COL1A2: variants seen among roughly 807,000 people sequenced by gnomAD.
COL1A2 encodes collagen type I alpha 2 chain.
COL1A2 carries 49 observed loss-of-function variants against 174.3 expected under a neutral mutation model. That is an observed-to-expected ratio of 0.28 (90% CI 0.22 to 0.36). COL1A2 has a LOEUF of 0.36. Among genes scored for constraint, COL1A2 ranks in the 10% least tolerant of loss-of-function variants. The pLI is 1.00. For missense variants in COL1A2, 1,438 were observed against 1,822.7 expected, an observed-to-expected ratio of 0.79 and a Z score of 3.84; for synonymous variants, 655 against 606.6, an observed-to-expected ratio of 1.08 and a Z score of -1.17.
Position 94,394,957 on chromosome 7 carries a change from G to C in COL1A2, c.-75G>C. The C allele has an allele frequency of 7.5e-7, 1 of 1,327,882 alleles. No homozygotes were observed. Among genetic ancestry groups the C allele is most frequent in the Admixed American group, 1.7e-5 (1 of 59,580 alleles). The allele number at this position is 1,327,882 out of a possible 1,614,324, so 82.3% of individuals were successfully genotyped here. A position where few individuals can be genotyped will look rare whatever the true frequency, so the allele number is the denominator to read the frequency against. On this transcript the variant is annotated 5_prime_UTR_variant, in exon 1 of 52. Transcript: ENST00000297268. ...GTACTGGCCACGACTGCATGCCCGCGCCCGCCAGGTGATACCTCCGCCGGT... is the reference window on the plus strand; with the variant it reads ...GTACTGGCCACGACTGCATGCCCGCCCCCGCCAGGTGATACCTCCGCCGGT...
At chr7:94,403,410 T>G (rs1246131325) in intron 6 of COL1A2, among the ~76,000 whole-genome samples, 2 of 152,184 alleles carry the variant, frequency 1.3e-5, no homozygotes, top group Admixed American at 1.3e-4. Flanking sequence ...CTTCTCTGAA[T>G]TAATGAGTAA....
At position 94,405,385 on chromosome 7, in the gene COL1A2, G is replaced by T. The variant is rs377260846; in HGVS notation, c.486+133G>T. The T allele has an allele frequency of 8.0e-4, 713 of 885,888 alleles. 8 individuals carry two copies. The South Asian group carries it at 0.011, about 14-fold the overall frequency. 54.9% of individuals were successfully genotyped at this position (885,888 alleles called of 1,614,324 possible). On this transcript the variant is annotated intron_variant, in intron 10 of 51. Coordinates refer to ENST00000297268, the MANE Select transcript of COL1A2 (RefSeq NM_000089.4). ...ACATGAATCGAAGGCATCTAATAAA[G>T]AAAAAAGCCTAGTTAAAAAAAAATG...
intron 29 of COL1A2, 144 bp downstream of exon 29, chr7:94,414,419 G>C: frequency 1.3e-6 from 1 of 790,882 alleles, no homozygotes; most frequent in South Asian, 1.6e-5. Flanking sequence ...ATACTTTGGT[G>C]CTGATGGAGA....
intron 32 of COL1A2, 54 bp from the exon 33 acceptor site, chr7:94,418,445 C>T (rs866159804): frequency 4.1e-5 from 61 of 1,486,024 alleles, no homozygotes; most frequent in African/African-American, 2.1e-4. Flanking sequence ...ATATTAATTT[C>T]GATTCAAAAT....
At position 94,422,043 on chromosome 7, in the gene COL1A2, C is replaced by A; in HGVS notation, c.2403+91C>A. ...ACTGGTAAGAAACTCTTCATGAAAA[C>A]ACATCACTAATATTCGCTATTACTC... On this transcript the variant is annotated intron_variant, in intron 39 of 51. Transcript: ENST00000297268. 2.8e-6 allele frequency: 3 copies of A among 1,079,320 alleles called. No individual in the cohort carries two copies. The East Asian group carries it at 7.3e-5, about 26-fold the overall frequency. The allele number at this position is 1,079,320 out of a possible 1,614,324, so 66.9% of individuals were successfully genotyped here. A position where few individuals can be genotyped will look rare whatever the true frequency, so the allele number is the denominator to read the frequency against.
At position 94,420,598 on chromosome 7, in the gene COL1A2, G is replaced by C; in HGVS notation, c.2245G>C (p.Glu749Gln). 6 of 1,612,684 alleles carry C rather than the reference G, an allele frequency of 3.7e-6. No individual in the cohort carries two copies. Among genetic ancestry groups the C allele is most frequent in the Non-Finnish European group, 5.1e-6 (6 of 1,179,352 alleles). ...GERGAKGPKG[E>Q]NGVVGPTGPV... ...AAGAGGAGCCAAAGGGCCTAAGGGT[G>C]AAAACGGTGTTGTTGGTCCCACAGG... is the stretch of plus-strand genomic sequence containing the variant. Residue 749 changes from glutamate (E) to glutamine (Q), a missense_variant, in exon 37 of 52, where the codon GAA becomes CAA. Physicochemically the swap from Glu to Gln is conservative, Grantham distance 29. This residue lies in a region of COL1A2 where 867 missense variants were observed against 1,213.7 expected (regional missense o/e 0.71). Coordinates refer to ENST00000297268, the MANE Select transcript of COL1A2 (RefSeq NM_000089.4).
At chr7:94,424,747 C>G (rs989015247) in intron 41 of COL1A2, 1 of 467,358 alleles carries the variant, frequency 2.1e-6, no homozygotes, top group Non-Finnish European at 3.9e-6. Context: ...ATCATTTATC[C>G]TGTAGGAAGA....
At chr7:94,429,097 T>TA in intron 50 of COL1A2, 91 bp from the exon 51 acceptor site, 1 of 883,198 alleles carries the variant, frequency 1.1e-6, no homozygotes, top group Non-Finnish European at 1.7e-6. Context: ...CTTCCTGAGA[T>TA]CTTTTTTTTT....
intron 30 of COL1A2, among the ~76,000 whole-genome samples, chr7:94,415,754 CAT>C (rs1271556137): frequency 6.6e-6 from 1 of 152,088 alleles, no homozygotes; most frequent in Non-Finnish European, 1.5e-5. Context: ...CTAGTTAACA[CAT>C]ATGTAGGAAG....
chr7:94,418,430 A>AT (rs1309024545), intron 32 of COL1A2, 69 bp from the exon 33 acceptor site: 2 of 1,367,546 alleles, frequency 1.5e-6, no homozygotes, highest in Non-Finnish European at 2.1e-6. Context: ...AAAGAAAAAA[A>AT]CTTCATATTA....
rs745988180 is a variant in COL1A2, at chr7:94,426,438, C to T, written c.3013C>T (p.Arg1005Cys). The T allele has an allele frequency of 1.0e-5, 16 of 1,599,814 alleles. No individual in the cohort carries two copies. The highest frequency in any genetic ancestry group is 1.4e-5 in the Non-Finnish European group (16 of 1,173,424). Residue 1005 changes from arginine (R) to cysteine (C), a missense_variant, in exon 46 of 52, where the codon CGT (arginine) becomes TGT (cysteine). Arg to Cys is a radical substitution (Grantham distance 180). Transcript: ENST00000297268. ...PRGPSGPQGIRGDKGEPGEKG... is the reference protein window; with the variant it reads ...PRGPSGPQGICGDKGEPGEKG... Reference sequence around the variant, plus strand: ...TTCTTTATAGGGCCCACAAGGCATTCGTGGCGATAAGGGAGAGCCCGGTGA... The same window carrying T: ...TTCTTTATAGGGCCCACAAGGCATTTGTGGCGATAAGGGAGAGCCCGGTGA...
Position 94,428,210 on chromosome 7 carries a change from T to A in COL1A2, c.3527-83T>A, listed in dbSNP as rs562750174. ...CAATCAAAAATGTTACTTATGAGAGTCAGTATCTTTCATTAGTTATTATTA... is the reference window on the plus strand; with the variant it reads ...CAATCAAAAATGTTACTTATGAGAGACAGTATCTTTCATTAGTTATTATTA... On this transcript the variant is annotated intron_variant, in intron 49 of 51. Transcript: ENST00000297268. The A allele has an allele frequency of 7.8e-6, 9 of 1,157,938 alleles. No individual in the cohort carries two copies. The East Asian group carries it at 9.4e-5, about 12-fold the overall frequency. 71.7% of individuals were successfully genotyped at this position (1,157,938 alleles called of 1,614,324 possible).
chr7:94,395,599 A>G (rs1168789079), intron 1 of COL1A2: 1 of 258,778 alleles, frequency 3.9e-6, no homozygotes, highest in Non-Finnish European at 7.5e-6. Context: ...GAGGATGACG[A>G]TGCTGATATG....
chr7:94,424,598 G>A, intron 41 of COL1A2, 155 bp downstream of exon 41: 1 of 659,800 alleles, frequency 1.5e-6, no homozygotes, highest in Non-Finnish European at 2.7e-6. Flanking sequence ...TATCTAAGAA[G>A]CTTTAATACC....
rs1477014676 is a variant in COL1A2 at position 94,396,461 on chromosome 7, T to G, written c.71-1287T>G. On this transcript the variant is annotated intron_variant, in intron 1 of 51. Transcript: ENST00000297268. ...CCGAGTTCATATTTTTAATGAGATCTTGAGAGTGGGAGGAAAGAGTCGGCT... is the reference window on the plus strand; with the variant it reads ...CCGAGTTCATATTTTTAATGAGATCGTGAGAGTGGGAGGAAAGAGTCGGCT... 3.3e-5 allele frequency among the ~76,000 whole-genome samples: 5 copies of G among 151,962 alleles called. No homozygotes were observed. In the East Asian group the frequency reaches 9.6e-4, roughly 29 times the overall value.
At chr7:94,429,108 C>CTTTTTTTT in intron 50 of COL1A2, 80 bp from the exon 51 acceptor site, 2 of 815,864 alleles carry the variant, frequency 2.5e-6, no homozygotes, top group Admixed American at 2.9e-5. Context: ...CTTTTTTTTT[C>CTTTTTTTT]TTTTTTTTTT....
Position 94,397,498 on chromosome 7 carries a change from T to C in COL1A2, c.71-250T>C, listed in dbSNP as rs144840749. On this transcript the variant is annotated intron_variant, in intron 1 of 51. Coordinates refer to ENST00000297268, the MANE Select transcript of COL1A2 (RefSeq NM_000089.4). ...ATATTTCACAACAGTTATAAAATAG[T>C]AAATAATTAATAATTTAATTCAAAA... Among the ~76,000 whole-genome samples, 492 of 152,208 alleles carry C rather than the reference T, an allele frequency of 3.2e-3. 2 individuals carry two copies. The highest frequency in any genetic ancestry group is 0.011 in the African/African-American group (472 of 41,578).
chr7:94,395,676 A>T (rs555784237), intron 1 of COL1A2: 9 of 183,818 alleles, frequency 4.9e-5, no homozygotes, highest in African/African-American at 2.1e-4. Context: ...CCTTAAGCAG[A>T]TGGAATCCCA....
At chr7:94,399,149 C>G (rs1427128735) in intron 4 of COL1A2, 65 bp downstream of exon 4, 1 of 1,413,952 alleles carries the variant, frequency 7.1e-7, no homozygotes, top group South Asian at 1.2e-5. Context: ...TTAGAAACTA[C>G]AGGAACTGGC....
Sources: allele counts gnomAD v4.1 joint callset (sites outside exome capture counted in the v4.1 genomes callset), GRCh38; gene constraint gnomAD v4.1.1; regional missense constraint gnomAD v4.1.1; transcripts MANE v1.5; gene names NCBI Gene and HGNC (gene_info 2026-07-23, HGNC 2026-07-21).